The following ANKFN1 variants were observed in gnomAD, a reference collection of about 807,000 sequenced individuals.
ANKFN1 encodes the protein ankyrin repeat and fibronectin type III domain containing 1, also known as ankyrin repeat and fibronectin type-III domain-containing protein 1.
ANKFN1 carries 74 observed loss-of-function variants against 108.7 expected under a neutral mutation model. The observed-to-expected ratio is 0.68, with a 90% CI of 0.56 to 0.83. The LOEUF (loss-of-function observed/expected upper bound fraction) is 0.83, where lower values mean the gene tolerates loss of function less well. Among genes scored for constraint, ANKFN1 ranks in the 40% least tolerant of loss-of-function variants. The pLI, the probability that ANKFN1 is intolerant of heterozygous loss-of-function variation, is 0.00. For synonymous variants in ANKFN1, 547 were observed against 516.2 expected (o/e 1.06, Z -0.81); for missense variants, 1,505 against 1,382.3 (o/e 1.09, Z -1.41).
chr17:56,454,500 T>A (rs1388849969), intron 11 of ANKFN1, among the ~76,000 whole-genome samples: 1 of 152,242 alleles, frequency 6.6e-6, no homozygotes, highest in Non-Finnish European at 1.5e-5. Context: ...AACTGCCTGT[T>A]GATCCTTCAA....
chr17:56,402,657 G>A (rs895028386), intron 8 of ANKFN1, among the ~76,000 whole-genome samples: 4 of 151,102 alleles, frequency 2.6e-5, no homozygotes, highest in African/African-American at 9.7e-5. Flanking sequence ...TTTCATTTAT[G>A]TTTTGTATTT....
intron 4 of ANKFN1, among the ~76,000 whole-genome samples, chr17:56,096,124 T>C (rs905004342): frequency 1.3e-4 from 20 of 152,338 alleles, no homozygotes; most frequent in Admixed American, 1.3e-3. Context: ...TCCTGGCACA[T>C]GTTAAGTGCC....
chr17:56,128,407 T>C (rs1034998287), intron 4 of ANKFN1, among the ~76,000 whole-genome samples: 3 of 152,204 alleles, frequency 2.0e-5, no homozygotes, highest in African/African-American at 7.2e-5. Flanking sequence ...GTTTTGATTA[T>C]CAGGAGTGTT....
intron 1 of ANKFN1, among the ~76,000 whole-genome samples, chr17:56,203,713 A>C (rs777075842): frequency 1.3e-5 from 2 of 152,234 alleles, no homozygotes; most frequent in African/African-American, 2.4e-5. Flanking sequence ...ATTCATGTAC[A>C]AACGAGTCAG....
Position 56,212,624 on chromosome 17 carries a change from A to T in ANKFN1, c.-44A>T, listed in dbSNP as rs906718038. Among the ~76,000 whole-genome samples the T allele has an allele frequency of 6.6e-6, 1 of 152,202 alleles. No individual in the cohort carries two copies. Among genetic ancestry groups the T allele is most frequent in the Admixed American group, 6.5e-5 (1 of 15,276 alleles). ...GCCAATAGGATAAGAAATAAGCTGTATGAAGAAATCCAGTTTGAGACCAGG... is the reference window on the plus strand; with the variant it reads ...GCCAATAGGATAAGAAATAAGCTGTTTGAAGAAATCCAGTTTGAGACCAGG... On this transcript the variant is annotated 5_prime_UTR_variant, in exon 2 of 21. The change abolishes an upstream ATG in the 5' untranslated region. Transcript: ENST00000682825.
At chr17:56,129,865 T>C (rs1204263658) in intron 4 of ANKFN1, among the ~76,000 whole-genome samples, 2 of 152,198 alleles carry the variant, frequency 1.3e-5, no homozygotes, top group Admixed American at 6.5e-5. Flanking sequence ...TTGAACAAAT[T>C]CATGCTTTTA....
At chr17:56,047,807 A>G (rs773378123) in intron 4 of ANKFN1, among the ~76,000 whole-genome samples, 2 of 152,230 alleles carry the variant, frequency 1.3e-5, no homozygotes, top group African/African-American at 4.8e-5. Flanking sequence ...GGACCCTTCC[A>G]TGACACAGTG....
At chr17:56,163,988 G>A (rs984849210) in intron 1 of ANKFN1, among the ~76,000 whole-genome samples, 7 of 152,072 alleles carry the variant, frequency 4.6e-5, no homozygotes, top group Non-Finnish European at 1.0e-4. Context: ...ATGGAATTTG[G>A]GTAAATCTGC....
intron 1 of ANKFN1, among the ~76,000 whole-genome samples, chr17:56,188,577 G>GTATATATATATATATATA (rs1433162811): frequency 2.5e-5 from 2 of 80,796 alleles, no homozygotes; most frequent in South Asian, 3.6e-4. Context: ...GTGTGTGTGT[G>GTATATATATATATATATA]TGTGTATATA....
intron 16 of ANKFN1, among the ~76,000 whole-genome samples, chr17:56,478,425 C>T (rs2050583766): frequency 6.6e-6 from 1 of 152,156 alleles, no homozygotes; most frequent in Non-Finnish European, 1.5e-5. Context: ...TCTCCTCACC[C>T]TCATTCTCCC....
intron 8 of ANKFN1, among the ~76,000 whole-genome samples, chr17:56,385,605 A>C (rs960231287): frequency 6.6e-6 from 1 of 152,244 alleles, no homozygotes; most frequent in Non-Finnish European, 1.5e-5. Flanking sequence ...ATCTACAATG[A>C]ACTCAAACAA....
At chr17:56,049,606 A>T (rs1349575242) in intron 4 of ANKFN1, among the ~76,000 whole-genome samples, 2 of 150,614 alleles carry the variant, frequency 1.3e-5, no homozygotes, top group East Asian at 2.0e-4. Context: ...GTGTTCTCAT[A>T]GTTCAATTCC....
At chr17:56,320,679 C>T (rs966793) in intron 3 of ANKFN1, among the ~76,000 whole-genome samples, 98,992 of 151,942 alleles carry the variant, frequency 0.65, 33,884 homozygotes, top group East Asian at 0.95. Context: ...GCATGGACTC[C>T]GATTATCACG....
chr17:56,405,824 G>T (rs1039342559), intron 8 of ANKFN1, among the ~76,000 whole-genome samples: 1 of 152,102 alleles, frequency 6.6e-6, no homozygotes, highest in Non-Finnish European at 1.5e-5. Flanking sequence ...TAAAATTGAG[G>T]GAGGAGGATC....
chr17:56,073,863 G>A (rs1322667510), intron 4 of ANKFN1, among the ~76,000 whole-genome samples: 1 of 152,176 alleles, frequency 6.6e-6, no homozygotes, highest in Non-Finnish European at 1.5e-5. Context: ...ATGGCTGAAT[G>A]AGATCATGGT....
intron 2 of ANKFN1, among the ~76,000 whole-genome samples, chr17:56,223,477 G>C (rs1042671995): frequency 6.6e-6 from 1 of 152,130 alleles, no homozygotes; most frequent in African/African-American, 2.4e-5. Flanking sequence ...TCAGTGGAAT[G>C]GTTCACCAAG....
chr17:56,353,152 G>C (rs532571681), intron 5 of ANKFN1, among the ~76,000 whole-genome samples: 1 of 152,002 alleles, frequency 6.6e-6, no homozygotes, highest in Admixed American at 6.6e-5. Flanking sequence ...AGCCTACAGG[G>C]AAGTAATGGG....
In ANKFN1 at chr17:56,510,490, G is replaced by A. The variant is rs763286205; in HGVS notation, c.2662G>A (p.Asp888Asn). 3.3e-6 allele frequency: 5 copies of A among 1,536,092 alleles called. No homozygotes were observed. In the South Asian group the frequency reaches 4.8e-5, roughly 15 times the overall value. The change falls in exon 21 of 21, where the codon GAT becomes AAT. Residue 888 changes from aspartate to asparagine, a missense_variant. Asp to Asn is a conservative substitution (Grantham distance 23, BLOSUM62 1). Transcript: ENST00000682825. ...CTTCGCAGATTCACAGCCCTGCTCT[G>A]ATGAAGAAGCCTGCTCAGAAGTCTT... is the stretch of plus-strand genomic sequence containing the variant. ...KTVSDSQPCS[D>N]EEACSEVFLP...
At position 56,467,222 on chromosome 17, in the gene ANKFN1, A is replaced by G. The variant is rs536379561; in HGVS notation, c.1773+651A>G. ...ACCAATATCTGAATGAACTGTAATG[A>G]CAATACATTTCTAAATTGTATATAT... On this transcript the variant is annotated intron_variant, in intron 15 of 20. Transcript: ENST00000682825. Among the ~76,000 whole-genome samples the G allele has an allele frequency of 1.1e-3, 158 of 148,096 alleles. 6 individuals are homozygous for G. In the South Asian group the frequency reaches 0.034, roughly 32 times the overall value.
Sources: gnomAD v4.1 joint callset for allele counts (sites outside exome capture counted in the v4.1 genomes callset) on GRCh38, gnomAD v4.1.1 for gene constraint, MANE v1.5 for transcripts, NCBI Gene and HGNC (gene_info 2026-07-23, HGNC 2026-07-21) for gene names.